The following FHIT variants were observed in gnomAD, a reference collection of about 807,000 sequenced individuals.
FHIT encodes fragile histidine triad diadenosine triphosphatase.
FHIT carries 19 observed loss-of-function variants against 17.9 expected under a neutral mutation model. The observed-to-expected ratio is 1.06, with a 90% confidence interval of 0.74 to 1.56. The LOEUF is 1.56. Ranked by LOEUF, FHIT falls within the 40% of genes most tolerant of loss-of-function variation. FHIT has a pLI of 0.00. For synonymous variants in FHIT, 81 were observed against 69.7 expected, an observed-to-expected ratio of 1.16 and a Z score of -0.81; for missense variants, 248 against 189.2, an observed-to-expected ratio of 1.31 and a Z score of -1.82.
chr3:59,940,695 A>G (rs7610652), intron 7 of FHIT, among the ~76,000 whole-genome samples: 19,358 of 152,168 alleles, frequency 0.13, 1,443 homozygotes, highest in African/African-American at 0.18. Context: ...AGGCAGTCGA[A>G]TATCTTAATT....
At chr3:60,634,729 C>A (rs1559601424) in intron 4 of FHIT, among the ~76,000 whole-genome samples, 2 of 152,138 alleles carry the variant, frequency 1.3e-5, no homozygotes, top group Non-Finnish European at 2.9e-5. Context: ...TGGGAGAATA[C>A]CTCTCTGTGT....
At chr3:60,035,900 G>T (rs1346278398) in intron 5 of FHIT, among the ~76,000 whole-genome samples, 1 of 152,172 alleles carries the variant, frequency 6.6e-6, no homozygotes, top group Admixed American at 6.5e-5. Flanking sequence ...CAGCATTTCA[G>T]AAGCTTGTAA....
In FHIT at chr3:59,955,128, G is replaced by A. The variant is rs185019432; in HGVS notation, c.280-32714C>T. The stretch of plus-strand genomic sequence containing the variant: ...AAAACAACAGTAGCTATCGTACAGC[G>A]TAGTTGTAAAGATTCAGTGAGATCA... On this transcript the variant is annotated intron_variant, in intron 7 of 9. Transcript: ENST00000492590. Among the ~76,000 whole-genome samples the A allele has an allele frequency of 1.8e-4, 28 of 152,262 alleles. No individual in the cohort carries two copies. In the East Asian group the frequency reaches 2.9e-3, roughly 16 times the overall value.
intron 2 of FHIT, among the ~76,000 whole-genome samples, chr3:61,094,035 G>A (rs927678656): frequency 3.3e-5 from 5 of 152,042 alleles, no homozygotes; most frequent in African/African-American, 1.2e-4. Context: ...TGTAGGTTAG[G>A]TGTCCTCAAC....
At chr3:61,232,525 T>G (rs1261339581) in intron 1 of FHIT, among the ~76,000 whole-genome samples, 1 of 152,226 alleles carries the variant, frequency 6.6e-6, no homozygotes, top group East Asian at 1.9e-4. Flanking sequence ...GTTGGCTCTC[T>G]ACCTAAACTA....
chr3:60,983,710 G>T (rs2107561540), intron 3 of FHIT, among the ~76,000 whole-genome samples: 1 of 152,236 alleles, frequency 6.6e-6, no homozygotes, highest in African/African-American at 2.4e-5. Flanking sequence ...CGTACTGATG[G>T]GTAGGAAGGT....
At chr3:61,072,381 G>A (rs2034833897) in intron 2 of FHIT, among the ~76,000 whole-genome samples, 1 of 152,094 alleles carries the variant, frequency 6.6e-6, no homozygotes, top group African/African-American at 2.4e-5. Flanking sequence ...ATCACTTCAG[G>A]GTATGGTTTG....
intron 5 of FHIT, among the ~76,000 whole-genome samples, chr3:60,045,401 G>C (rs924776980): frequency 3.3e-5 from 5 of 151,964 alleles, no homozygotes; most frequent in African/African-American, 1.2e-4. Flanking sequence ...CAAAGAGAGA[G>C]TTTGTGCAGG....
At chr3:60,936,089 C>G (rs1461968822) in intron 3 of FHIT, among the ~76,000 whole-genome samples, 1 of 152,162 alleles carries the variant, frequency 6.6e-6, no homozygotes, top group Admixed American at 6.5e-5. Flanking sequence ...CACTCACCTC[C>G]TGATTAATAG....
At chr3:59,781,529 G>C (rs372395103) in intron 8 of FHIT, among the ~76,000 whole-genome samples, 4 of 152,118 alleles carry the variant, frequency 2.6e-5, no homozygotes, top group African/African-American at 9.7e-5. Context: ...ATTTTGGATG[G>C]TCCCTAAATG....
intron 4 of FHIT, among the ~76,000 whole-genome samples, chr3:60,785,790 A>G (rs902736867): frequency 3.9e-5 from 6 of 152,156 alleles, no homozygotes; most frequent in African/African-American, 1.4e-4. Context: ...CTTAGTAAGA[A>G]GATGGGTGCT....
chr3:60,666,115 C>G (rs1277098341), intron 4 of FHIT, among the ~76,000 whole-genome samples: 5 of 152,050 alleles, frequency 3.3e-5, no homozygotes, highest in African/African-American at 1.2e-4. Context: ...TTGTTTTAAT[C>G]ATCAAACATG....
chr3:60,102,899 C>T (rs528959059), intron 5 of FHIT, among the ~76,000 whole-genome samples: 2 of 152,294 alleles, frequency 1.3e-5, no homozygotes, highest in African/African-American at 4.8e-5. Context: ...AGATTTGGTG[C>T]ATTTAACCAG....
chr3:60,269,475 A>T (rs1162595017), intron 5 of FHIT, among the ~76,000 whole-genome samples: 1 of 152,230 alleles, frequency 6.6e-6, no homozygotes, highest in Non-Finnish European at 1.5e-5. Flanking sequence ...ACTATGGGAT[A>T]CTACTTCCTG....
At chr3:59,760,951 T>C (rs1701484135) in intron 8 of FHIT, among the ~76,000 whole-genome samples, 1 of 151,888 alleles carries the variant, frequency 6.6e-6, no homozygotes, top group African/African-American at 2.4e-5. Flanking sequence ...AGTGCCGGGG[T>C]TATAGGCATG....
chr3:60,281,800 A>C (rs1297574563), intron 5 of FHIT, among the ~76,000 whole-genome samples: 1 of 152,150 alleles, frequency 6.6e-6, no homozygotes, highest in African/African-American at 2.4e-5. Flanking sequence ...ACAACAAAAA[A>C]TTATCTACAA....
rs1438617626 is a variant in FHIT at position 60,037,050 on chromosome 3, G to A, written c.104-22898C>T. Among the ~76,000 whole-genome samples, 4 of 152,272 alleles carry A rather than the reference G, an allele frequency of 2.6e-5. No individual in the cohort carries two copies. The East Asian group carries it at 7.7e-4, about 29-fold the overall frequency. ...TGTGTGCTAAATCTTGGACAGTTCT[G>A]GGGAACATCGTAGACCAACGTCACC... On this transcript the variant is annotated intron_variant, in intron 5 of 9. Transcript: ENST00000492590.
chr3:60,352,806 A>T (rs1699473575), intron 5 of FHIT, among the ~76,000 whole-genome samples: 1 of 152,094 alleles, frequency 6.6e-6, no homozygotes, highest in African/African-American at 2.4e-5. Flanking sequence ...AATGCACCAT[A>T]CCTGACCTAA....
intron 5 of FHIT, among the ~76,000 whole-genome samples, chr3:60,259,590 C>T (rs1434285323): frequency 6.6e-6 from 1 of 152,102 alleles, no homozygotes; most frequent in African/African-American, 2.4e-5. Context: ...TAGTAATTTA[C>T]ATTCATCACC....
Sources: gnomAD v4.1 joint callset for allele counts (sites outside exome capture counted in the v4.1 genomes callset) on GRCh38, gnomAD v4.1.1 for gene constraint, MANE v1.5 for transcripts, NCBI Gene and HGNC (gene_info 2026-07-23, HGNC 2026-07-21) for gene names.